Variants in BMPR1A observed in about 807,000 individuals in gnomAD.
BMPR1A encodes the protein bone morphogenetic protein receptor type 1A.
BMPR1A carries 7 observed loss-of-function variants against 66.0 expected under a neutral mutation model. The ratio of observed to expected loss-of-function variants is 0.11; its 90% CI spans 0.06 to 0.20. BMPR1A has a LOEUF of 0.20. Ranked by LOEUF, BMPR1A falls within the 10% of genes least tolerant of loss-of-function variation. The probability of loss-of-function intolerance (pLI) is 1.00; values close to 1 mark genes in which losing one functional copy is unlikely to be tolerated. For missense variants in BMPR1A, 408 were observed against 669.1 expected (o/e 0.61, Z 4.31); for synonymous variants, 200 against 229.7 (o/e 0.87, Z 1.17).
intron 2 of BMPR1A, among the ~76,000 whole-genome samples, chr10:86,869,613 T>A (rs1432881827): frequency 1.3e-5 from 2 of 152,054 alleles, no homozygotes; most frequent in Non-Finnish European, 2.9e-5. Context: ...AAAAATTAGC[T>A]GGGCGTGATG....
chr10:86,809,426 A>G (rs1841936486), intron 1 of BMPR1A, among the ~76,000 whole-genome samples: 1 of 151,832 alleles, frequency 6.6e-6, no homozygotes, highest in Admixed American at 6.6e-5. Context: ...AGTAGCCGGG[A>G]CTACAGGTGC....
Position 86,927,965 on chromosome 10 carries a change from GT to G in BMPR1A, c.*4247del, listed in dbSNP as rs1843766319. ...TTTTGAAGTAAATAACCTTATTTTA[GT>G]ATACTTTAGTGATGTGTTTTGTGAT... On this transcript the variant is annotated 3_prime_UTR_variant, in exon 13 of 13. Transcript: ENST00000372037. 1 of 179,474 alleles carries G rather than the reference GT, an allele frequency of 5.6e-6. No homozygotes were observed. Among genetic ancestry groups the G allele is most frequent in the South Asian group, 2.0e-4 (1 of 5,058 alleles). 11.1% of individuals were successfully genotyped at this position (179,474 alleles called of 1,614,324 possible).
chr10:86,803,745 A>G (rs943951287), intron 1 of BMPR1A, among the ~76,000 whole-genome samples: 4 of 152,082 alleles, frequency 2.6e-5, no homozygotes, highest in African/African-American at 9.7e-5. Flanking sequence ...TGGTAAAGCA[A>G]ATTTTTCTGA....
chr10:86,869,961 G>A (rs779051117), intron 2 of BMPR1A, among the ~76,000 whole-genome samples: 23 of 152,116 alleles, frequency 1.5e-4, no homozygotes, highest in Non-Finnish European at 3.1e-4. Context: ...GACCTGGATA[G>A]CTTAAGTAAT....
chr10:86,804,445 C>G (rs913449320), intron 1 of BMPR1A, among the ~76,000 whole-genome samples: 1 of 152,024 alleles, frequency 6.6e-6, no homozygotes, highest in African/African-American at 2.4e-5. Context: ...TCGCCATCTC[C>G]TGATCTCAAA....
chr10:86,913,274 C>T lies in BMPR1A; in HGVS notation c.675+890C>T, dbSNP rs1843517218. ...AAGTAGCTGGAATTACCAGATGCAC[C>T]ACCACACCAGGCTAATTTTTTTTTT... On this transcript the variant is annotated intron_variant, in intron 8 of 12. Transcript: ENST00000372037. 2.0e-5 allele frequency among the ~76,000 whole-genome samples: 3 copies of T among 150,818 alleles called. No individual in the cohort carries two copies. The Admixed American group carries it at 2.0e-4, about 10-fold the overall frequency.
chr10:86,917,450 AG>A, intron 9 of BMPR1A, 124 bp downstream of exon 9: 1 of 1,133,980 alleles, frequency 8.8e-7, no homozygotes, highest in Non-Finnish European at 1.3e-6. Context: ...AAGGAAACCT[AG>A]TAGAATACAC....
chr10:86,908,273 G>A (rs1842314027), intron 7 of BMPR1A, among the ~76,000 whole-genome samples: 1 of 152,108 alleles, frequency 6.6e-6, no homozygotes, highest in South Asian at 2.1e-4. Context: ...ACTCTGATTT[G>A]TTCATTTTAC....
chr10:86,789,854 T>G (rs1447838600), intron 1 of BMPR1A, among the ~76,000 whole-genome samples: 2 of 150,222 alleles, frequency 1.3e-5, no homozygotes, highest in African/African-American at 4.9e-5. Context: ...ATGTCGTTAG[T>G]CATTAGAAAT....
At chr10:86,766,167 G>C (rs897751689) in intron 1 of BMPR1A, among the ~76,000 whole-genome samples, 1 of 151,836 alleles carries the variant, frequency 6.6e-6, no homozygotes, top group Non-Finnish European at 1.5e-5. Flanking sequence ...AAAAATTTTT[G>C]TGTGTGTGGA....
At chr10:86,861,356 G>C (rs1040112789) in intron 2 of BMPR1A, among the ~76,000 whole-genome samples, 4 of 152,120 alleles carry the variant, frequency 2.6e-5, no homozygotes, top group Non-Finnish European at 5.9e-5. Flanking sequence ...AGTTTTCTAT[G>C]CTGTCCTTTT....
chr10:86,861,763 G>A (rs1337735792), intron 2 of BMPR1A, among the ~76,000 whole-genome samples: 1 of 152,208 alleles, frequency 6.6e-6, no homozygotes, highest in Non-Finnish European at 1.5e-5. Context: ...CAAACTTGAG[G>A]ATATCCATGA....
At chr10:86,809,742 C>T (rs1048589321) in intron 1 of BMPR1A, among the ~76,000 whole-genome samples, 1 of 151,660 alleles carries the variant, frequency 6.6e-6, no homozygotes, top group Non-Finnish European at 1.5e-5. Context: ...GACGCCTACC[C>T]GCAAACAGAA....
intron 1 of BMPR1A, among the ~76,000 whole-genome samples, chr10:86,772,377 A>C (rs1251104585): frequency 6.6e-6 from 1 of 150,780 alleles, no homozygotes; most frequent in East Asian, 2.0e-4. Context: ...TGATCTCCCC[A>C]CCTTGGTCTC....
intron 2 of BMPR1A, among the ~76,000 whole-genome samples, chr10:86,859,171 A>G (rs1012565870): frequency 3.9e-5 from 6 of 152,224 alleles, no homozygotes; most frequent in Non-Finnish European, 8.8e-5. Flanking sequence ...GGGAAAAGAC[A>G]GTCTTCAATA....
At chr10:86,907,720 A>G (rs1219870252) in intron 7 of BMPR1A, among the ~76,000 whole-genome samples, 1 of 152,226 alleles carries the variant, frequency 6.6e-6, no homozygotes, top group Non-Finnish European at 1.5e-5. Flanking sequence ...CCAGTCATAG[A>G]CAAATATTAC....
chr10:86,839,820 G>C (rs12775608), intron 2 of BMPR1A, among the ~76,000 whole-genome samples: 11,294 of 151,764 alleles, frequency 0.074, 882 homozygotes, highest in African/African-American at 0.2. Flanking sequence ...ACCATGCCCA[G>C]CTAATTTATT....
intron 1 of BMPR1A, among the ~76,000 whole-genome samples, chr10:86,759,599 A>G (rs1321969402): frequency 6.6e-6 from 1 of 152,174 alleles, no homozygotes; most frequent in Admixed American, 6.5e-5. Context: ...ATTCTGCTTT[A>G]TGATATTGTA....
At chr10:86,847,916 A>G (rs1346975873) in intron 2 of BMPR1A, among the ~76,000 whole-genome samples, 1 of 150,190 alleles carries the variant, frequency 6.7e-6, no homozygotes, top group Non-Finnish European at 1.5e-5. Context: ...TTGTATTAAT[A>G]TCTTTATAGA....
Sources: allele counts gnomAD v4.1 joint callset (sites outside exome capture counted in the v4.1 genomes callset), GRCh38; gene constraint gnomAD v4.1.1; transcripts MANE v1.5; gene names NCBI Gene and HGNC (gene_info 2026-07-23, HGNC 2026-07-21).